The following C12orf42 variants were observed in gnomAD, a reference collection of about 807,000 sequenced individuals.
C12orf42 encodes the protein chromosome 12 open reading frame 42.
A neutral mutation model predicts 21.6 loss-of-function variants in C12orf42; 25 were observed. The ratio of observed to expected loss-of-function variants is 1.16; its 90% CI spans 0.84 to 1.62. The LOEUF is 1.62. C12orf42 is among the 40% of genes most tolerant of loss of function. The pLI is 0.00. For synonymous variants in C12orf42, 174 were observed against 175.0 expected (o/e 0.99, Z 0.05); for missense variants, 483 against 459.3 (o/e 1.05, Z -0.47).
At chr12:103,379,911 C>A (rs569646984) in intron 3 of C12orf42, among the ~76,000 whole-genome samples, 2 of 152,278 alleles carry the variant, frequency 1.3e-5, no homozygotes, top group African/African-American at 4.8e-5. Flanking sequence ...TGGATTTAAG[C>A]AAGAAAATCT....
At chr12:103,124,985 T>C in the C12orf42 span, among the ~76,000 whole-genome samples, 1 of 152,234 alleles carries the variant, frequency 6.6e-6, no homozygotes, top group Non-Finnish European at 1.5e-5. Flanking sequence ...ACAGTTGGAA[T>C]ATTAACAGAT....
At chr12:103,542,322 T>C in the C12orf42 span, among the ~76,000 whole-genome samples, 109 of 152,352 alleles carry the variant, frequency 7.2e-4, no homozygotes, top group African/African-American at 2.5e-3. Flanking sequence ...GCTGAAGAAT[T>C]CTTGGAAATT....
At chr12:103,152,777 C>A in the C12orf42 span, among the ~76,000 whole-genome samples, 1 of 146,554 alleles carries the variant, frequency 6.8e-6, no homozygotes, top group East Asian at 1.9e-4. Flanking sequence ...CATGAAAAAG[C>A]AGACACATGT....
chr12:103,056,041 G>A, the C12orf42 span, among the ~76,000 whole-genome samples: 2 of 152,076 alleles, frequency 1.3e-5, no homozygotes, highest in African/African-American at 2.4e-5. Context: ...TATACATAGC[G>A]ATTAGATTTT....
At chr12:103,193,787 T>A in the C12orf42 span, among the ~76,000 whole-genome samples, 1 of 152,140 alleles carries the variant, frequency 6.6e-6, no homozygotes, top group East Asian at 1.9e-4. Flanking sequence ...TTAATACCAA[T>A]CACTTTTAAA....
the C12orf42 span, among the ~76,000 whole-genome samples, chr12:103,130,757 T>C: frequency 6.6e-6 from 1 of 152,174 alleles, no homozygotes; most frequent in African/African-American, 2.4e-5. Context: ...CACCTCACAG[T>C]GATGGGTCAT....
At chr12:103,465,601 TG>T (rs1432362233) in intron 2 of C12orf42, among the ~76,000 whole-genome samples, 2 of 152,164 alleles carry the variant, frequency 1.3e-5, no homozygotes, top group Non-Finnish European at 2.9e-5. Context: ...TTCTTTCTCT[TG>T]CCTGATTGCC....
downstream of C12orf42, among the ~76,000 whole-genome samples, chr12:103,235,816 A>G (rs566167404): frequency 6.6e-6 from 1 of 152,160 alleles, no homozygotes; most frequent in Non-Finnish European, 1.5e-5. Context: ...TCCCATTTAC[A>G]TGTTGAATTT....
chr12:103,170,599 C>A, the C12orf42 span, among the ~76,000 whole-genome samples: 1 of 151,786 alleles, frequency 6.6e-6, no homozygotes, highest in Non-Finnish European at 1.5e-5. Flanking sequence ...AAGCCAAATC[C>A]TGCCATTTTC....
intron 4 of C12orf42, among the ~76,000 whole-genome samples, chr12:103,356,244 T>TAA (rs2043540368): frequency 6.6e-6 from 1 of 152,126 alleles, no homozygotes; most frequent in East Asian, 1.9e-4. Context: ...CACCTCCTGA[T>TAA]GACTCCATAA....
the C12orf42 span, among the ~76,000 whole-genome samples, chr12:103,180,975 G>T: frequency 3.9e-5 from 6 of 152,076 alleles, no homozygotes; most frequent in Non-Finnish European, 5.9e-5. Flanking sequence ...AAAAATTCAA[G>T]GATCTGGGTT....
chr12:103,122,678 C>T, the C12orf42 span, among the ~76,000 whole-genome samples: 1 of 152,156 alleles, frequency 6.6e-6, no homozygotes, highest in African/African-American at 2.4e-5. Context: ...GAGGCTCTGA[C>T]TTAGAAACCT....
At chr12:103,361,412 C>A (rs2044093724) in intron 4 of C12orf42, among the ~76,000 whole-genome samples, 1 of 152,086 alleles carries the variant, frequency 6.6e-6, no homozygotes, top group Non-Finnish European at 1.5e-5. Context: ...TTCTGACTTG[C>A]CTCACAGGGT....
intron 3 of C12orf42, among the ~76,000 whole-genome samples, chr12:103,387,758 T>C (rs912693816): frequency 2.0e-5 from 3 of 152,200 alleles, no homozygotes; most frequent in Non-Finnish European, 2.9e-5. Context: ...CCGAGAACAA[T>C]ACCTAATATG....
chr12:103,412,467 G>A (rs142523189), intron 2 of C12orf42, among the ~76,000 whole-genome samples: 1,911 of 152,270 alleles, frequency 0.013, 35 homozygotes, highest in African/African-American at 0.044. Flanking sequence ...TCAGGAGTTC[G>A]AGACTGGCCT....
At chr12:103,420,490 T>C (rs987351782) in intron 2 of C12orf42, among the ~76,000 whole-genome samples, 2 of 152,216 alleles carry the variant, frequency 1.3e-5, no homozygotes, top group African/African-American at 4.8e-5. Context: ...TCTCCTTGTG[T>C]CAGCACTTCC....
intron 2 of C12orf42, among the ~76,000 whole-genome samples, chr12:103,466,042 A>ATCGAC (rs1953101618): frequency 6.6e-6 from 1 of 152,212 alleles, no homozygotes; most frequent in Non-Finnish European, 1.5e-5. Flanking sequence ...CATCAGGAAT[A>ATCGAC]TCGACCTGAA....
the C12orf42 span, among the ~76,000 whole-genome samples, chr12:103,191,101 G>T: frequency 6.6e-6 from 1 of 152,114 alleles, no homozygotes; most frequent in African/African-American, 2.4e-5. Flanking sequence ...AGAGTAGTTT[G>T]CGTATATTCA....
downstream of C12orf42, among the ~76,000 whole-genome samples, chr12:103,300,118 T>C (rs1170446477): frequency 6.6e-6 from 1 of 152,250 alleles, no homozygotes; most frequent in Non-Finnish European, 1.5e-5. Flanking sequence ...TTTTGAGCAA[T>C]GTTTTCCCAA....
Sources: allele counts gnomAD v4.1 joint callset (sites outside exome capture counted in the v4.1 genomes callset), GRCh38; gene constraint gnomAD v4.1.1; transcripts MANE v1.5; gene names NCBI Gene and HGNC (gene_info 2026-07-23, HGNC 2026-07-21).